Variants in NPLOC4 observed in about 807,000 individuals in gnomAD.
NPLOC4 encodes the protein NPL4 homolog, ubiquitin recognition factor.
Under a neutral mutation model 80.6 loss-of-function variants are expected in NPLOC4, and 18 were observed. The observed-to-expected ratio is 0.22, with a 90% CI of 0.15 to 0.33. The LOEUF is 0.33. NPLOC4 is among the 10% of genes least tolerant of loss of function. The probability of loss-of-function intolerance (pLI) is 1.00; values close to 1 mark genes in which losing one functional copy is unlikely to be tolerated. For synonymous variants in NPLOC4, 313 were observed against 301.5 expected (o/e 1.04, Z -0.39); for missense variants, 540 against 786.1 (o/e 0.69, Z 3.74).
chr17:81,581,713 A>G (rs1013494373), intron 12 of NPLOC4, among the ~76,000 whole-genome samples: 1 of 152,248 alleles, frequency 6.6e-6, no homozygotes, highest in African/African-American at 2.4e-5. Context: ...GCACAGCTAC[A>G]AAGCCAAGTC....
At chr17:81,618,093 G>A (rs553210000) in intron 3 of NPLOC4, among the ~76,000 whole-genome samples, 2 of 152,314 alleles carry the variant, frequency 1.3e-5, no homozygotes, top group Non-Finnish European at 2.9e-5. Context: ...TCTGGGAAGT[G>A]AGGAGCCTCT....
At chr17:81,602,888 T>C (rs1259132025) in intron 8 of NPLOC4, among the ~76,000 whole-genome samples, 1 of 151,612 alleles carries the variant, frequency 6.6e-6, no homozygotes, top group East Asian at 1.9e-4. Flanking sequence ...ACACTATATA[T>C]GTATATACAC....
chr17:81,623,241 G>C (rs1027976290), intron 2 of NPLOC4, among the ~76,000 whole-genome samples: 22 of 151,716 alleles, frequency 1.5e-4, no homozygotes, highest in Admixed American at 1.2e-3. Flanking sequence ...GGAGGCCAAA[G>C]CAGGTGGATC....
intron 5 of NPLOC4, 137 bp from the exon 6 acceptor site, chr17:81,608,959 G>GTC: frequency 1.6e-6 from 1 of 612,988 alleles, no homozygotes; most frequent in Non-Finnish European, 2.9e-6. Flanking sequence ...AGGTACTAGG[G>GTC]TCTCCCTTAC....
chr17:81,610,593 A>G (rs1225744764), intron 4 of NPLOC4, among the ~76,000 whole-genome samples: 1 of 152,104 alleles, frequency 6.6e-6, no homozygotes, highest in Non-Finnish European at 1.5e-5. Context: ...ACTTATGTTG[A>G]TATGAATTAG....
chr17:81,619,132 C>A (rs2035590431), intron 3 of NPLOC4, among the ~76,000 whole-genome samples: 1 of 151,948 alleles, frequency 6.6e-6, no homozygotes, highest in South Asian at 2.1e-4. Flanking sequence ...GGCTGCTGAC[C>A]TTCCCTCCAC....
intron 12 of NPLOC4, among the ~76,000 whole-genome samples, chr17:81,578,585 G>C (rs770015719): frequency 3.9e-5 from 6 of 152,224 alleles, no homozygotes; most frequent in Non-Finnish European, 7.3e-5. Flanking sequence ...AAGCATGACA[G>C]GAGGGGAAGG....
At chr17:81,588,836 C>G (rs2144138204) in intron 12 of NPLOC4, 108 bp downstream of exon 12, 1 of 940,896 alleles carries the variant, frequency 1.1e-6, no homozygotes, top group Non-Finnish European at 1.6e-6. Flanking sequence ...GGTTCAACCA[C>G]AGCTGACAAA....
chr17:81,613,599 G>T, intron 3 of NPLOC4, 105 bp from the exon 4 acceptor site: 1 of 983,496 alleles, frequency 1.0e-6, no homozygotes, highest in Non-Finnish European at 1.5e-6. Flanking sequence ...ACCCCTGTAG[G>T]CCTAAACAAT....
At chr17:81,621,802 T>A (rs1377621608) in intron 3 of NPLOC4, among the ~76,000 whole-genome samples, 1 of 152,130 alleles carries the variant, frequency 6.6e-6, no homozygotes, top group East Asian at 1.9e-4. Flanking sequence ...GCAGCACTCC[T>A]ACCCAAGCCA....
At chr17:81,605,051 G>C (rs2035164574) in intron 7 of NPLOC4, among the ~76,000 whole-genome samples, 1 of 151,848 alleles carries the variant, frequency 6.6e-6, no homozygotes, top group South Asian at 2.1e-4. Flanking sequence ...ATGAGGTCAG[G>C]AGATCAAGAC....
chr17:81,623,313 C>A lies in NPLOC4; in HGVS notation c.97-1035G>T, dbSNP rs943727342. ...AGTGAAACCGTCTCTACTAAAAATA[C>A]AAAAATTAGCCAGGCATGGTGGCGC... On this transcript the variant is annotated intron_variant, in intron 2 of 16. Coordinates refer to ENST00000331134, the MANE Select transcript of NPLOC4 (RefSeq NM_017921.4). Among the ~76,000 whole-genome samples, 48 of 141,790 alleles carry A rather than the reference C, an allele frequency of 3.4e-4. No homozygotes were observed. In the Middle Eastern group the frequency reaches 0.013, roughly 37 times the overall value. The allele number at this position is 141,790 out of a possible 152,430, so 93.0% of individuals were successfully genotyped here. A position where few individuals can be genotyped will look rare whatever the true frequency, so the allele number is the denominator to read the frequency against.
At chr17:81,594,731 C>T (rs1043519188) in intron 11 of NPLOC4, among the ~76,000 whole-genome samples, 1 of 151,854 alleles carries the variant, frequency 6.6e-6, no homozygotes, top group Non-Finnish European at 1.5e-5. Flanking sequence ...GCCGAGATCG[C>T]GCCACTGCAC....
intron 3 of NPLOC4, among the ~76,000 whole-genome samples, chr17:81,613,716 C>G (rs1598668659): frequency 6.6e-6 from 1 of 152,162 alleles, no homozygotes; most frequent in African/African-American, 2.4e-5. Context: ...TCTCTTACAA[C>G]TTTACCTTAA....
At chr17:81,608,901 G>C in intron 5 of NPLOC4, 79 bp from the exon 6 acceptor site, 2 of 1,125,338 alleles carry the variant, frequency 1.8e-6, no homozygotes, top group Non-Finnish European at 2.6e-6. Context: ...TACGCACAGG[G>C]GGAGGCCAGC....
At chr17:81,584,329 GAAA>G (rs2034518530) in intron 12 of NPLOC4, among the ~76,000 whole-genome samples, 1 of 152,164 alleles carries the variant, frequency 6.6e-6, no homozygotes, top group Non-Finnish European at 1.5e-5. Flanking sequence ...AGCACTCTAT[GAAA>G]ACAACAGAAT....
chr17:81,634,047 T>C (rs2036003689), intron 1 of NPLOC4, among the ~76,000 whole-genome samples: 3 of 151,794 alleles, frequency 2.0e-5, no homozygotes, highest in Non-Finnish European at 4.4e-5. Context: ...GTATTTTTTT[T>C]TTTTAGTAGA....
In NPLOC4 at chr17:81,558,486, A is replaced by G. The variant is rs1443847523; in HGVS notation, c.*773T>C. The G allele has an allele frequency of 6.6e-6, 1 of 152,186 alleles. No homozygotes were observed. Among genetic ancestry groups the G allele is most frequent in the East Asian group, 1.9e-4 (1 of 5,190 alleles). The allele number at this position is 152,186 out of a possible 1,614,324, so 9.4% of individuals were successfully genotyped here. A position where few individuals can be genotyped will look rare whatever the true frequency, so the allele number is the denominator to read the frequency against. ...GGAGAACTGACTGGTGCCCCCGTCC[A>G]CACTCATCACCCTGGACACAACCTC... On this transcript the variant is annotated 3_prime_UTR_variant, in exon 17 of 17. Transcript: ENST00000331134.
chr17:81,616,306 G>C (rs1339395080), intron 3 of NPLOC4, among the ~76,000 whole-genome samples: 13 of 75,860 alleles, frequency 1.7e-4, no homozygotes, highest in Admixed American at 1.5e-3. Flanking sequence ...GGGCGACATA[G>C]CAAGACTCTG....
Sources: allele counts gnomAD v4.1 joint callset (sites outside exome capture counted in the v4.1 genomes callset), GRCh38; gene constraint gnomAD v4.1.1; transcripts MANE v1.5; gene names NCBI Gene and HGNC (gene_info 2026-07-23, HGNC 2026-07-21).